SUMF1: variants seen among roughly 807,000 people sequenced by gnomAD.
The protein encoded by SUMF1 is formylglycine-generating enzyme.
In SUMF1, 48 loss-of-function variants were observed where a neutral mutation model predicts 47.6. The observed-to-expected ratio is 1.01, with a 90% CI of 0.80 to 1.28. SUMF1 has a LOEUF of 1.28. Among genes scored for constraint, SUMF1 ranks in the 50% most tolerant of loss-of-function variants. The pLI is 0.00. For synonymous variants in SUMF1, 230 were observed against 192.1 expected (o/e 1.20, Z -1.63); for missense variants, 571 against 485.4 (o/e 1.18, Z -1.66).
At chr3:4,259,766 T>G (rs1368977614) in intron 8 of SUMF1, among the ~76,000 whole-genome samples, 2 of 152,150 alleles carry the variant, frequency 1.3e-5, no homozygotes, top group South Asian at 4.1e-4. Flanking sequence ...ATATATTACA[T>G]TTTTTCAGAT....
chr3:4,041,523 G>C (rs571049475), intron 9 of SUMF1, among the ~76,000 whole-genome samples: 2 of 152,328 alleles, frequency 1.3e-5, no homozygotes, highest in African/African-American at 4.8e-5. Context: ...TAAGAAGGAA[G>C]TGCCACATAA....
At chr3:4,402,978 GT>G (rs1701262653) in intron 7 of SUMF1, among the ~76,000 whole-genome samples, 1 of 152,204 alleles carries the variant, frequency 6.6e-6, no homozygotes, top group African/African-American at 2.4e-5. Context: ...GTGAGATACT[GT>G]TCTTCATTAC....
chr3:4,191,736 G>A (rs1695319091), intron 8 of SUMF1, among the ~76,000 whole-genome samples: 1 of 152,104 alleles, frequency 6.6e-6, no homozygotes, highest in South Asian at 2.1e-4. Flanking sequence ...ATCTGGGTCA[G>A]TAATAATGCT....
chr3:4,420,711 A>G (rs1220457425), intron 3 of SUMF1, among the ~76,000 whole-genome samples: 1 of 151,816 alleles, frequency 6.6e-6, no homozygotes, highest in Non-Finnish European at 1.5e-5. Flanking sequence ...AAGAATTTTT[A>G]AAAAGTGCAT....
intron 3 of SUMF1, among the ~76,000 whole-genome samples, chr3:4,445,064 T>A (rs758490148): frequency 7.2e-5 from 11 of 152,216 alleles, no homozygotes; most frequent in African/African-American, 2.7e-4. Flanking sequence ...GGGCATGTGG[T>A]TTCTTTTAGG....
chr3:4,448,817 C>A (rs1166709840), intron 3 of SUMF1, among the ~76,000 whole-genome samples: 1 of 152,232 alleles, frequency 6.6e-6, no homozygotes, highest in African/African-American at 2.4e-5. Context: ...GAACAAAGGG[C>A]TCCTTTCTTG....
chr3:4,391,997 T>C, intron 7 of SUMF1, among the ~76,000 whole-genome samples: 1 of 151,972 alleles, frequency 6.6e-6, no homozygotes, highest in East Asian at 1.9e-4. Context: ...CCTGGCTAAT[T>C]TTTTATTTCT....
Position 4,227,802 on chromosome 3 carries a change from C to T in SUMF1, c.1014+148528G>A, listed in dbSNP as rs367793932. 1.2e-4 allele frequency among the ~76,000 whole-genome samples: 19 copies of T among 152,248 alleles called. 1 individual carries two copies. The East Asian group carries it at 1.4e-3, about 11-fold the overall frequency. ...CTTTTAGTCCCTAGAGCCAGTCATG[C>T]TTGAGGTCAGCTCCATCCCTGGGCT... On this transcript the variant is annotated intron_variant and NMD_transcript_variant, in intron 8 of 12. Coordinates refer to the SUMF1 transcript ENST00000448413.
intron 8 of SUMF1, among the ~76,000 whole-genome samples, chr3:4,266,189 C>T (rs1322656295): frequency 1.3e-5 from 2 of 152,144 alleles, no homozygotes; most frequent in East Asian, 3.8e-4. Context: ...GTTCTTTTGG[C>T]TTAGGATTGA....
intron 9 of SUMF1, among the ~76,000 whole-genome samples, chr3:4,042,101 T>G (rs544322231): frequency 3.3e-5 from 5 of 152,320 alleles, no homozygotes; most frequent in African/African-American, 1.2e-4. Flanking sequence ...AACCACTTAA[T>G]TTCTGCAACT....
At chr3:4,280,814 CGTGTGTGTGTGTGTGTGTGTGT>C (rs56919301) in intron 8 of SUMF1, among the ~76,000 whole-genome samples, 252 of 138,124 alleles carry the variant, frequency 1.8e-3, no homozygotes, top group African/African-American at 5.0e-3. Flanking sequence ...TGGCATTCAC[CGTGTGTGTGTGTGTGTGTGTGT>C]GTGTGTGTGT....
At chr3:4,376,412 A>G (rs758450812) in intron 7 of SUMF1, 23 bp from the exon 8 acceptor site, 1 of 1,613,718 alleles carries the variant, frequency 6.2e-7, no homozygotes, top group South Asian at 1.1e-5. Flanking sequence ...AAAAAAGGCT[A>G]TGTTAGACCA....
intron 8 of SUMF1, among the ~76,000 whole-genome samples, chr3:4,141,859 G>T (rs919173354): frequency 6.6e-6 from 1 of 152,078 alleles, no homozygotes; most frequent in Non-Finnish European, 1.5e-5. Flanking sequence ...CAAAATGAAG[G>T]TTTGGGACCT....
intron 8 of SUMF1, among the ~76,000 whole-genome samples, chr3:4,266,330 A>G (rs1270635517): frequency 6.6e-6 from 1 of 152,138 alleles, no homozygotes; most frequent in Non-Finnish European, 1.5e-5. Context: ...CAGTATGGCC[A>G]TTTTCACGAT....
chr3:4,161,178 C>T (rs559168953), intron 8 of SUMF1, among the ~76,000 whole-genome samples: 13 of 151,904 alleles, frequency 8.6e-5, no homozygotes, highest in Non-Finnish European at 1.2e-4. Flanking sequence ...CCCAGACAAA[C>T]GGAGTCTCTC....
chr3:4,392,175 T>C (rs1362824855), intron 7 of SUMF1, among the ~76,000 whole-genome samples: 3 of 152,166 alleles, frequency 2.0e-5, no homozygotes, highest in African/African-American at 4.8e-5. Flanking sequence ...ATCTTTCTTC[T>C]ACCATTTCTT....
chr3:4,148,162 T>C (rs1395450695), intron 8 of SUMF1, among the ~76,000 whole-genome samples: 2 of 152,180 alleles, frequency 1.3e-5, no homozygotes, highest in African/African-American at 4.8e-5. Flanking sequence ...AATCTTTGAA[T>C]GCAGAATTAA....
At chr3:4,383,836 C>T (rs958622778) in intron 7 of SUMF1, among the ~76,000 whole-genome samples, 2 of 152,198 alleles carry the variant, frequency 1.3e-5, no homozygotes, top group Non-Finnish European at 2.9e-5. Context: ...TTCATGTCTT[C>T]TGCCAGCATC....
At chr3:4,213,977 C>T (rs1417359983) in intron 8 of SUMF1, among the ~76,000 whole-genome samples, 2 of 152,250 alleles carry the variant, frequency 1.3e-5, no homozygotes, top group East Asian at 3.9e-4. Flanking sequence ...TTAAACATCC[C>T]ACTGTCAATA....
Sources: allele counts gnomAD v4.1 joint callset (sites outside exome capture counted in the v4.1 genomes callset), GRCh38; gene constraint gnomAD v4.1.1; transcripts MANE v1.5; gene names NCBI Gene and HGNC (gene_info 2026-07-23, HGNC 2026-07-21).